RPRD1B: variants seen among roughly 807,000 people sequenced by gnomAD.
RPRD1B encodes the protein regulation of nuclear pre-mRNA domain-containing protein 1B.
RPRD1B carries 11 observed loss-of-function variants against 41.5 expected under a neutral mutation model. The observed-to-expected ratio is 0.27, with a 90% confidence interval of 0.17 to 0.44. RPRD1B has a LOEUF of 0.44. RPRD1B is among the 20% of genes least tolerant of loss of function. RPRD1B has a pLI of 1.00. For missense variants in RPRD1B, 248 were observed against 389.9 expected (o/e 0.64, Z 3.06); for synonymous variants, 158 against 155.6 (o/e 1.02, Z -0.12).
intron 2 of RPRD1B, among the ~76,000 whole-genome samples, chr20:38,042,055 A>T (rs1407542561): frequency 6.6e-6 from 1 of 152,170 alleles, no homozygotes; most frequent in African/African-American, 2.4e-5. Flanking sequence ...TAAATGAGTT[A>T]ATTAATGTTA....
intron 1 of RPRD1B, among the ~76,000 whole-genome samples, chr20:38,036,992 T>G (rs1297508091): frequency 2.0e-5 from 3 of 152,196 alleles, no homozygotes; most frequent in Non-Finnish European, 4.4e-5. Context: ...GCTTATTTCA[T>G]GAACTGAAAA....
At chr20:38,038,480 T>TTTTGTTTTG (rs1568641356) in intron 1 of RPRD1B, among the ~76,000 whole-genome samples, 3 of 132,564 alleles carry the variant, frequency 2.3e-5, no homozygotes. Flanking sequence ...CGGCTGATTT[T>TTTTGTTTTG]TTTTGTTTTG....
chr20:38,070,485 G>A, intron 6 of RPRD1B: 1 of 985,574 alleles, frequency 1.0e-6, no homozygotes, highest in Non-Finnish European at 1.2e-6. Context: ...CCAGAGCAAA[G>A]AGAAGCTTTG....
intron 6 of RPRD1B, among the ~76,000 whole-genome samples, chr20:38,076,483 C>G (rs2074460468): frequency 6.6e-6 from 1 of 152,318 alleles, no homozygotes; most frequent in East Asian, 1.9e-4. Context: ...CTTTGTCTCT[C>G]CAGTGTTTAA....
At chr20:38,051,357 T>C (rs531754354) in intron 3 of RPRD1B, among the ~76,000 whole-genome samples, 271 of 152,356 alleles carry the variant, frequency 1.8e-3, no homozygotes, top group Non-Finnish European at 2.0e-3. Context: ...TCATGTAGTA[T>C]ACGGTTGTAG....
chr20:38,048,221 C>A, intron 2 of RPRD1B, 127 bp from the exon 3 acceptor site: 1 of 960,934 alleles, frequency 1.0e-6, no homozygotes, highest in Non-Finnish European at 1.5e-6. Flanking sequence ...CAATATGTAC[C>A]TTATTTGGTT....
At chr20:38,065,656 C>G (rs2074347408) in intron 5 of RPRD1B, among the ~76,000 whole-genome samples, 1 of 151,922 alleles carries the variant, frequency 6.6e-6, no homozygotes. Flanking sequence ...GAGTATTTTC[C>G]ATTCATGGTT....
intron 5 of RPRD1B, among the ~76,000 whole-genome samples, chr20:38,063,572 G>A (rs2074322878): frequency 1.3e-5 from 2 of 152,192 alleles, no homozygotes; most frequent in Admixed American, 1.3e-4. Context: ...CAGGGAAGCA[G>A]GTCAGTAGTG....
In RPRD1B at chr20:38,056,384, T is replaced by TC. The variant is rs200133517; in HGVS notation, c.416-1146dup. On this transcript the variant is annotated intron_variant, in intron 3 of 6. Transcript: ENST00000373433. ...CCAGCCTGGGCAAGAGAGCAAAAAC[T>TC]CCATCTAAAAAAAAAAAATAAAAAT... Among the ~76,000 whole-genome samples, 190 of 151,098 alleles carry TC rather than the reference T, an allele frequency of 1.3e-3. 1 individual carries two copies. The East Asian group carries it at 0.033, about 26-fold the overall frequency.
At chr20:38,050,266 C>T (rs1055727068) in intron 3 of RPRD1B, among the ~76,000 whole-genome samples, 1 of 152,200 alleles carries the variant, frequency 6.6e-6, no homozygotes, top group African/African-American at 2.4e-5. Flanking sequence ...AGGTTAGAGG[C>T]TTTCTGTGAA....
intron 6 of RPRD1B, among the ~76,000 whole-genome samples, chr20:38,076,906 C>CTTTTTTTTTTTTTTTTTTTTTTTT (rs573460686): frequency 9.4e-5 from 6 of 63,524 alleles, no homozygotes; most frequent in Non-Finnish European, 1.4e-4. Context: ...CATTCTGGAC[C>CTTTTTTTTTTTTTTTTTTTTTTTT]TTTTTTTTTT....
chr20:38,073,038 C>G (rs1401460794), intron 6 of RPRD1B, among the ~76,000 whole-genome samples: 2 of 152,144 alleles, frequency 1.3e-5, no homozygotes, highest in East Asian at 1.9e-4. Flanking sequence ...AGCATAGAGT[C>G]CAAGGCAGAC....
chr20:38,065,497 A>G, intron 5 of RPRD1B, among the ~76,000 whole-genome samples: 1 of 152,236 alleles, frequency 6.6e-6, no homozygotes, highest in East Asian at 1.9e-4. Context: ...TCTATAACCA[A>G]CAAACATCTT....
chr20:38,061,344 C>G (rs1236872255), intron 5 of RPRD1B, among the ~76,000 whole-genome samples: 1 of 152,168 alleles, frequency 6.6e-6, no homozygotes, highest in Non-Finnish European at 1.5e-5. Context: ...TTTGTCTGTT[C>G]CTTTCCCGAA....
At chr20:38,035,338 C>T (rs896702626) in intron 1 of RPRD1B, among the ~76,000 whole-genome samples, 1 of 152,160 alleles carries the variant, frequency 6.6e-6, no homozygotes, top group Non-Finnish European at 1.5e-5. Flanking sequence ...GCCTTTATAG[C>T]GAAGTGGCTT....
chr20:38,036,259 A>T (rs926440705), intron 1 of RPRD1B, among the ~76,000 whole-genome samples: 1 of 152,184 alleles, frequency 6.6e-6, no homozygotes, highest in African/African-American at 2.4e-5. Flanking sequence ...GTATAGAGGG[A>T]TTAAGTGCCT....
chr20:38,056,396 A>AT (rs1568650824), intron 3 of RPRD1B, among the ~76,000 whole-genome samples: 1 of 152,146 alleles, frequency 6.6e-6, no homozygotes, highest in East Asian at 1.9e-4. Context: ...CATCTAAAAA[A>AT]AAAAAATAAA....
rs144928109 is a variant in RPRD1B at position 38,041,497 on chromosome 20, G to A, written c.281+933G>A. On this transcript the variant is annotated intron_variant, in intron 2 of 6. Transcript: ENST00000373433. The stretch of plus-strand genomic sequence containing the variant: ...AGAGATGAAAAAGATGGTTTTTGTG[G>A]ATAAGTTACATAACTGGCTCACCTT... Among the ~76,000 whole-genome samples the A allele has an allele frequency of 3.0e-3, 460 of 152,278 alleles. 1 individual carries two copies. The highest frequency in any genetic ancestry group is 5.0e-3 in the Non-Finnish European group (341 of 68,012).
intron 3 of RPRD1B, among the ~76,000 whole-genome samples, chr20:38,052,773 T>G (rs1279620894): frequency 2.0e-5 from 3 of 149,684 alleles, no homozygotes; most frequent in Non-Finnish European, 4.4e-5. Flanking sequence ...TTTTTTTTTT[T>G]TTTTTTTAAA....
Sources: gnomAD v4.1 joint callset for allele counts (sites outside exome capture counted in the v4.1 genomes callset) on GRCh38, gnomAD v4.1.1 for gene constraint, MANE v1.5 for transcripts, NCBI Gene and HGNC (gene_info 2026-07-23, HGNC 2026-07-21) for gene names.